The following ABHD2 variants were observed in gnomAD, a reference collection of about 807,000 sequenced individuals.
The protein encoded by ABHD2 is abhydrolase domain containing 2, acylglycerol lipase.
In ABHD2, 20 loss-of-function variants were observed where a neutral mutation model predicts 48.1. That is an observed-to-expected ratio of 0.42 (90% confidence interval 0.29 to 0.60). ABHD2 has a LOEUF of 0.60. Among genes scored for constraint, ABHD2 ranks in the 20% least tolerant of loss-of-function variants. The probability of loss-of-function intolerance (pLI) is 0.24; values close to 1 mark genes in which losing one functional copy is unlikely to be tolerated. For missense variants in ABHD2, 405 were observed against 550.9 expected (o/e 0.74, Z 2.65); for synonymous variants, 209 against 214.2 (o/e 0.98, Z 0.21).
rs1185978751 is a variant in ABHD2 at position 89,156,115 on chromosome 15, C to CTTTT, written c.538+601_538+604dup. Reference sequence around the variant, plus strand: ...TTCTCTAGTAATTAATTTTTATTGTCTTTTTTTTTTTTTTTTTTTTTTTGA... The same window carrying CTTTT: ...TTCTCTAGTAATTAATTTTTATTGTCTTTTTTTTTTTTTTTTTTTTTTTTTTTGA... On this transcript the variant is annotated intron_variant, in intron 5 of 10. Coordinates refer to ENST00000352732, the MANE Select transcript of ABHD2 (RefSeq NM_152924.5). Among the ~76,000 whole-genome samples, 44 of 85,656 alleles carry CTTTT rather than the reference C, an allele frequency of 5.1e-4. 1 individual carries two copies. The highest frequency in any genetic ancestry group is 1.4e-3 in the African/African-American group (29 of 21,406). The allele number at this position is 85,656 out of a possible 152,430, so 56.2% of individuals were successfully genotyped here.
At chr15:89,165,649 T>C (rs999825087) in intron 5 of ABHD2, among the ~76,000 whole-genome samples, 1 of 152,134 alleles carries the variant, frequency 6.6e-6, no homozygotes. Flanking sequence ...TAAACAACCC[T>C]GTCATGTGGG....
At chr15:89,049,860 C>T in the ABHD2 span, among the ~76,000 whole-genome samples, 3 of 152,196 alleles carry the variant, frequency 2.0e-5, no homozygotes, top group African/African-American at 4.8e-5. Context: ...TTGCATCGCT[C>T]ATGCTGGGAG....
chr15:89,118,709 T>C (rs1309949776), intron 3 of ABHD2, among the ~76,000 whole-genome samples: 5 of 152,188 alleles, frequency 3.3e-5, no homozygotes, highest in Admixed American at 2.0e-4. Context: ...ATGCAAAAGC[T>C]GCTATTGCCC....
the ABHD2 span, among the ~76,000 whole-genome samples, chr15:89,048,909 T>TTCTCCGTCCAGC: frequency 7.6e-6 from 1 of 131,324 alleles, no homozygotes; most frequent in African/African-American, 3.2e-5. Flanking sequence ...GTCAAAGTCA[T>TTCTCCGTCCAGC]TTGTTCCGTT....
At chr15:89,162,077 A>G (rs1282394818) in intron 5 of ABHD2, among the ~76,000 whole-genome samples, 1 of 152,130 alleles carries the variant, frequency 6.6e-6, no homozygotes, top group Non-Finnish European at 1.5e-5. Context: ...TAACAACCAC[A>G]TTTTGGCTTA....
rs1409375326 is a variant in ABHD2, at chr15:89,177,727, C to G, written c.722+1732C>G. Among the ~76,000 whole-genome samples, 2 of 152,118 alleles carry G rather than the reference C, an allele frequency of 1.3e-5. No homozygotes were observed. The highest frequency in any genetic ancestry group is 4.8e-5 in the African/African-American group (2 of 41,420). ...TTGGTGGGACTAGTAATATCCAACT[C>G]CCAGCTCATAGCCACGTGTAACCAG... is the stretch of plus-strand genomic sequence containing the variant. On this transcript the variant is annotated intron_variant, in intron 6 of 10. Coordinates refer to ENST00000352732, the MANE Select transcript of ABHD2 (RefSeq NM_152924.5). The surrounding 1 kb of genome is among the most constrained non-coding windows in gnomAD (Gnocchi z 5.6).
chr15:89,128,254 G>A (rs1012842190), intron 3 of ABHD2, among the ~76,000 whole-genome samples: 1 of 152,202 alleles, frequency 6.6e-6, no homozygotes, highest in Non-Finnish European at 1.5e-5. Flanking sequence ...GTTGGCTTTG[G>A]ATAGATGGGA....
rs548706870 is a variant in ABHD2 at position 89,174,459 on chromosome 15, A to T, written c.539-1353A>T. The stretch of plus-strand genomic sequence containing the variant: ...ACCCTCTCCAGGTGATTCTATGCAC[A>T]CTGCAGCTTAAGAACTGCATGGGGC... On this transcript the variant is annotated intron_variant, in intron 5 of 10. Coordinates refer to ENST00000352732, the MANE Select transcript of ABHD2 (RefSeq NM_152924.5). The surrounding 1 kb of genome is among the most constrained non-coding windows in gnomAD (Gnocchi z 4.1). Among the ~76,000 whole-genome samples, 1 of 152,218 alleles carries T rather than the reference A, an allele frequency of 6.6e-6. No individual in the cohort carries two copies. The highest frequency in any genetic ancestry group is 6.5e-5 in the Admixed American group (1 of 15,286).
chr15:89,148,276 A>T lies in ABHD2; in HGVS notation c.195-3401A>T, dbSNP rs1243605066. Among the ~76,000 whole-genome samples, 6 of 152,206 alleles carry T rather than the reference A, an allele frequency of 3.9e-5. No individual in the cohort carries two copies. In the South Asian group the frequency reaches 1.0e-3, roughly 26 times the overall value. On this transcript the variant is annotated intron_variant, in intron 3 of 10. Transcript: ENST00000352732. ...AAAAATAGACAAAGGATATCAACAGACAGTTCACAGAAGAGAAATACAAAT... is the reference window on the plus strand; with the variant it reads ...AAAAATAGACAAAGGATATCAACAGTCAGTTCACAGAAGAGAAATACAAAT...
rs533546065 is a variant in ABHD2, at chr15:89,117,273, G to A, written c.194+752G>A. Among the ~76,000 whole-genome samples, 5 of 152,268 alleles carry A rather than the reference G, an allele frequency of 3.3e-5. No individual in the cohort carries two copies. The South Asian group carries it at 6.2e-4, about 19-fold the overall frequency. On this transcript the variant is annotated intron_variant, in intron 3 of 10. Coordinates refer to ENST00000352732, the MANE Select transcript of ABHD2 (RefSeq NM_152924.5). ...ACTCCTGACCTCAAGTGATCTGCCC[G>A]CCTTGGCCTCCCAAAGTGCTGGGAT...
chr15:89,133,534 A>T (rs112191890), intron 3 of ABHD2, among the ~76,000 whole-genome samples: 1 of 152,168 alleles, frequency 6.6e-6, no homozygotes, highest in Non-Finnish European at 1.5e-5. Context: ...CTACTTTTTG[A>T]TATTTGCCAA....
intron 3 of ABHD2, among the ~76,000 whole-genome samples, chr15:89,130,884 C>A (rs566455534): frequency 1.1e-3 from 164 of 152,304 alleles, no homozygotes; most frequent in Non-Finnish European, 1.7e-3. Context: ...AAGCAAGGCT[C>A]GTGCCCATGC....
At chr15:89,187,637 G>A (rs1271263832) in intron 7 of ABHD2, among the ~76,000 whole-genome samples, 1 of 152,018 alleles carries the variant, frequency 6.6e-6, no homozygotes, top group Non-Finnish European at 1.5e-5. Flanking sequence ...GTTCCACTTG[G>A]GGGTTGGGAA....
chr15:89,065,339 T>C, the ABHD2 span, among the ~76,000 whole-genome samples: 11 of 152,178 alleles, frequency 7.2e-5, 1 homozygote, highest in Non-Finnish European at 1.3e-4. Flanking sequence ...AAATGTTAAT[T>C]AAGGGTGTAG....
chr15:89,133,833 AAT>A (rs1491434830), intron 3 of ABHD2, among the ~76,000 whole-genome samples: 1 of 109,388 alleles, frequency 9.1e-6, no homozygotes, highest in African/African-American at 4.1e-5. Context: ...TGCCATGCAT[AAT>A]TTTTTTTTTT....
At chr15:89,126,840 C>A (rs527702993) in intron 3 of ABHD2, among the ~76,000 whole-genome samples, 5 of 152,176 alleles carry the variant, frequency 3.3e-5, no homozygotes, top group Non-Finnish European at 7.3e-5. Flanking sequence ...AAGAATACTT[C>A]CCTGCAAATG....
chr15:89,044,475 C>G, the ABHD2 span, among the ~76,000 whole-genome samples: 1 of 152,096 alleles, frequency 6.6e-6, no homozygotes, highest in African/African-American at 2.4e-5. Flanking sequence ...TGAGGAATCG[C>G]CACACTGAAT....
intron 6 of ABHD2, among the ~76,000 whole-genome samples, chr15:89,178,326 G>A (rs1200643350): frequency 6.6e-6 from 1 of 152,200 alleles, no homozygotes; most frequent in Non-Finnish European, 1.5e-5. Flanking sequence ...CTTTAAACCA[G>A]TATAACCTTT....
intron 9 of ABHD2, among the ~76,000 whole-genome samples, chr15:89,192,451 G>A (rs1359545566): frequency 6.6e-6 from 1 of 152,006 alleles, no homozygotes; most frequent in Non-Finnish European, 1.5e-5. Context: ...CCCTGCCAAC[G>A]GTTTTCCAAT....
Sources: gnomAD v4.1 joint callset for allele counts (sites outside exome capture counted in the v4.1 genomes callset) on GRCh38, gnomAD v4.1.1 for gene constraint, Gnocchi (gnomAD v3.1) non-coding constraint, MANE v1.5 for transcripts, NCBI Gene and HGNC (gene_info 2026-07-23, HGNC 2026-07-21) for gene names.